CDC40: variants seen among roughly 807,000 people sequenced by gnomAD.
CDC40 encodes the protein pre-mRNA-processing factor 17.
Under a neutral mutation model 80.6 loss-of-function variants are expected in CDC40, and 27 were observed. That is an observed-to-expected ratio of 0.33 (90% confidence interval 0.25 to 0.46). The LOEUF is 0.46. Ranked by LOEUF, CDC40 falls within the 20% of genes least tolerant of loss-of-function variation. The probability of loss-of-function intolerance (pLI) is 1.00; values close to 1 mark genes in which losing one functional copy is unlikely to be tolerated. For synonymous variants in CDC40, 221 were observed against 232.6 expected (o/e 0.95, Z 0.45); for missense variants, 486 against 694.1 (o/e 0.70, Z 3.37).
intron 3 of CDC40, among the ~76,000 whole-genome samples, chr6:110,206,147 T>C (rs575844949): frequency 2.0e-4 from 31 of 152,250 alleles, no homozygotes; most frequent in African/African-American, 7.5e-4. Context: ...TTTTTTTGTG[T>C]GTGTGTGTGA....
intron 2 of CDC40, among the ~76,000 whole-genome samples, chr6:110,200,924 C>T (rs1318318046): frequency 6.6e-6 from 1 of 152,174 alleles, no homozygotes; most frequent in Non-Finnish European, 1.5e-5. Context: ...TGTGACTTCT[C>T]AGAGTGGAGA....
rs139001225 is a variant in CDC40 at position 110,219,438 on chromosome 6, A to G, written c.1165A>G (p.Asn389Asp). Residue 389 changes from asparagine to aspartate, a missense_variant, in exon 11 of 15, where the codon AAT becomes GAT. Physicochemically the swap from Asn to Asp is conservative, Grantham distance 23. Around this residue, in one of 3 missense-constraint regions of CDC40, gnomAD observed 381 missense variants for 492.1 expected, o/e 0.77. Transcript: ENST00000307731. ...ATTCAATCCTGATGAAGATAAGCAAAATCTCTTTGTGGCTGGGATGTCTGA... is the reference window on the plus strand; with the variant it reads ...ATTCAATCCTGATGAAGATAAGCAAGATCTCTTTGTGGCTGGGATGTCTGA... ...VKFNPDEDKQ[N>D]LFVAGMSDKK... 2.5e-6 allele frequency: 4 copies of G among 1,609,926 alleles called. No individual in the cohort carries two copies. Among genetic ancestry groups the G allele is most frequent in the Non-Finnish European group, 3.4e-6 (4 of 1,176,968 alleles).
In CDC40 at chr6:110,209,192, T is replaced by C. The variant is rs1314972534; in HGVS notation, c.599T>C (p.Val200Ala). The change falls in exon 5 of 15, where the codon GTG becomes GCG. Residue 200 changes from valine (V) to alanine (A), a missense_variant. This residue lies in a region of CDC40 where 381 missense variants were observed against 492.1 expected (regional missense o/e 0.77). Transcript: ENST00000307731. ...TTTTTGGGACCATGGGCAAAATATG[T>C]GGATGAAAAAGATGTAGCCAAACCT... Reference protein sequence around the residue: ...DGFLGPWAKYVDEKDVAKPSE... With the variant: ...DGFLGPWAKYADEKDVAKPSE... The C allele has an allele frequency of 3.1e-6, 5 of 1,612,870 alleles. No individual in the cohort carries two copies. The Admixed American group carries it at 8.3e-5, about 27-fold the overall frequency.
intron 1 of CDC40, among the ~76,000 whole-genome samples, chr6:110,189,998 A>G (rs1186438529): frequency 6.6e-6 from 1 of 152,144 alleles, no homozygotes; most frequent in Admixed American, 6.5e-5. Context: ...TAATTTCTCT[A>G]CAGATTTGGC....
At chr6:110,194,948 A>C (rs1439311868) in intron 2 of CDC40, among the ~76,000 whole-genome samples, 1 of 152,202 alleles carries the variant, frequency 6.6e-6, no homozygotes, top group African/African-American at 2.4e-5. Context: ...GTGGGATTTC[A>C]GTCCTTTAAT....
Position 110,225,999 on chromosome 6 carries a change from A to C in CDC40, c.1341-168A>C, listed in dbSNP as rs142083126. 4.6e-4 allele frequency among the ~76,000 whole-genome samples: 70 copies of C among 152,384 alleles called. 1 individual carries two copies. In the East Asian group the frequency reaches 0.011, roughly 24 times the overall value. On this transcript the variant is annotated intron_variant, in intron 12 of 14. Transcript: ENST00000307731. ...GTACAGGATTTACCATAAGCAGTAC[A>C]GTGTCATCTTGTGATTTTTCTTCTT...
intron 2 of CDC40, among the ~76,000 whole-genome samples, chr6:110,196,212 AT>A (rs1031174096): frequency 1.3e-5 from 2 of 152,198 alleles, no homozygotes; most frequent in African/African-American, 4.8e-5. Flanking sequence ...TTATCTCCCT[AT>A]AATTGGAAGA....
In CDC40 at chr6:110,201,196, C is replaced by T. The variant is rs992617333; in HGVS notation, c.277-362C>T. Among the ~76,000 whole-genome samples the T allele has an allele frequency of 8.5e-5, 13 of 152,246 alleles. No homozygotes were observed. In the South Asian group the frequency reaches 1.0e-3, roughly 12 times the overall value. ...TGATATAAAAGTCACCCCAAATCCC[C>T]GAAATCATGGTTTGGGGAAACTATA... On this transcript the variant is annotated intron_variant, in intron 2 of 14. Coordinates refer to ENST00000307731, the MANE Select transcript of CDC40 (RefSeq NM_015891.3).
At chr6:110,215,238 C>T (rs1459050119) in intron 8 of CDC40, 48 bp from the exon 9 acceptor site, 1 of 1,483,798 alleles carries the variant, frequency 6.7e-7, no homozygotes, top group Non-Finnish European at 9.4e-7. Flanking sequence ...AATTGAAGGA[C>T]CTTTATTAAA....
intron 1 of CDC40, among the ~76,000 whole-genome samples, chr6:110,190,640 C>T (rs1288347470): frequency 6.6e-6 from 1 of 152,104 alleles, no homozygotes; most frequent in Non-Finnish European, 1.5e-5. Flanking sequence ...CCAACTGCCA[C>T]GTTGGTGGTC....
At chr6:110,193,289 T>C in intron 2 of CDC40, 21 bp downstream of exon 2, 1 of 1,380,402 alleles carries the variant, frequency 7.2e-7, no homozygotes, top group Non-Finnish European at 1.0e-6. Flanking sequence ...ATACTTAAGG[T>C]TCTGACTTTT....
rs1411184306 is a variant in CDC40, at chr6:110,209,229, C to T, written c.630+6C>T. 1 of 1,611,530 alleles carries T rather than the reference C, an allele frequency of 6.2e-7. No homozygotes were observed. The highest frequency in any genetic ancestry group is 8.5e-7 in the Non-Finnish European group (1 of 1,178,154). On this transcript the variant is annotated splice_donor_region_variant and intron_variant, in intron 5 of 14. Coordinates refer to ENST00000307731, the MANE Select transcript of CDC40 (RefSeq NM_015891.3). ...ATGTAGCCAAACCTTCAGAAGTAAG[C>T]TTTGATGTTTTTAATTGTCAATTCA...
intron 5 of CDC40, 44 bp from the exon 6 acceptor site, chr6:110,210,663 G>C: frequency 8.7e-7 from 1 of 1,145,056 alleles, no homozygotes; most frequent in South Asian, 1.7e-5. Context: ...GTATAATGAG[G>C]TTCTAGAACA....
rs1777914725 is a variant in CDC40, at chr6:110,229,972, T to C, written c.1581T>C (p.Asp527=). Residue 527 remains aspartate (D), a synonymous_variant, in exon 15 of 15, where the codon GAT becomes GAC. Coordinates refer to ENST00000307731, the MANE Select transcript of CDC40 (RefSeq NM_015891.3). ...ATTATAGTTATGTGATTTCAGGAGA[T>C]GGAAATGGAAAATTAAACATTTGGG... ...SPDMSYVISG[D]GNGKLNIWDW... The C allele has an allele frequency of 1.2e-6, 2 of 1,606,762 alleles. No individual in the cohort carries two copies. The highest frequency in any genetic ancestry group is 3.3e-5 in the Admixed American group (2 of 59,916).
intron 3 of CDC40, among the ~76,000 whole-genome samples, chr6:110,206,217 A>G (rs865856766): frequency 1.3e-4 from 20 of 152,172 alleles, no homozygotes; most frequent in Admixed American, 1.3e-3. Context: ...AGCTCACTGC[A>G]AGCTACACCT....
chr6:110,229,015 A>G (rs1777901004), intron 14 of CDC40, 39 bp downstream of exon 14: 1 of 1,497,644 alleles, frequency 6.7e-7, no homozygotes, highest in Admixed American at 2.0e-5. Flanking sequence ...GTATTCAAAT[A>G]TGATTATATA....
chr6:110,198,280 C>T (rs1380065353), intron 2 of CDC40, among the ~76,000 whole-genome samples: 6 of 151,396 alleles, frequency 4.0e-5, no homozygotes, highest in Non-Finnish European at 5.9e-5. Flanking sequence ...TGAGTTCAAG[C>T]GATTGTCCCA....
At chr6:110,228,304 C>T (rs1777891365) in intron 13 of CDC40, among the ~76,000 whole-genome samples, 1 of 152,184 alleles carries the variant, frequency 6.6e-6, no homozygotes, top group Non-Finnish European at 1.5e-5. Flanking sequence ...AGTTTAGGCT[C>T]TAGGGGCTTT....
intron 10 of CDC40, among the ~76,000 whole-genome samples, chr6:110,218,254 T>G (rs1223924638): frequency 6.6e-6 from 1 of 152,248 alleles, no homozygotes; most frequent in Non-Finnish European, 1.5e-5. Flanking sequence ...TATTAATTGA[T>G]TCACATTAAT....
Sources: allele counts gnomAD v4.1 joint callset (sites outside exome capture counted in the v4.1 genomes callset), GRCh38; gene constraint gnomAD v4.1.1; regional missense constraint gnomAD v4.1.1; transcripts MANE v1.5; gene names NCBI Gene and HGNC (gene_info 2026-07-23, HGNC 2026-07-21).